The following DLG4 variants were observed in gnomAD, a reference collection of about 807,000 sequenced individuals.
DLG4 encodes the protein disks large homolog 4.
A neutral mutation model predicts 93.8 loss-of-function variants in DLG4; 7 were observed. The ratio of observed to expected loss-of-function variants is 0.07; its 90% confidence interval spans 0.04 to 0.14. The LOEUF (loss-of-function observed/expected upper bound fraction) is 0.14, where lower values mean the gene tolerates loss of function less well. Ranked by LOEUF, DLG4 falls within the 10% of genes least tolerant of loss-of-function variation. DLG4 has a pLI of 1.00. For synonymous variants in DLG4, 341 were observed against 387.6 expected (o/e 0.88, Z 1.41); for missense variants, 545 against 992.9 (o/e 0.55, Z 6.06).
chr17:7,212,136 A>G (rs2070738581), intron 1 of DLG4, among the ~76,000 whole-genome samples: 2 of 152,012 alleles, frequency 1.3e-5, no homozygotes, highest in Non-Finnish European at 1.5e-5. Flanking sequence ...CCCAGAGTCC[A>G]GGGAAACAAA....
chr17:7,199,059 A>G (rs1289693518), intron 8 of DLG4, among the ~76,000 whole-genome samples: 1 of 152,042 alleles, frequency 6.6e-6, no homozygotes, highest in Non-Finnish European at 1.5e-5. Flanking sequence ...AAACAGCCCT[A>G]TGTCAACCTG....
chr17:7,204,656 G>A (rs144870162), intron 2 of DLG4, among the ~76,000 whole-genome samples: 160 of 152,090 alleles, frequency 1.1e-3, no homozygotes, highest in African/African-American at 3.6e-3. Context: ...TGCCTTATGT[G>A]CTACACATGG....
chr17:7,198,842 C>A (rs2069956725), intron 8 of DLG4, among the ~76,000 whole-genome samples: 1 of 139,544 alleles, frequency 7.2e-6, no homozygotes. Context: ...AGTGAGACTC[C>A]ATCTCAAAAA....
upstream of DLG4, chr17:7,218,364 G>T: frequency 6.7e-7 from 1 of 1,493,764 alleles, no homozygotes; most frequent in Non-Finnish European, 9.2e-7. Context: ...CTGCTGGCTG[G>T]CTGGCAAGGG....
At position 7,202,888 on chromosome 17, in the gene DLG4, T is replaced by C. The variant is rs750562789; in HGVS notation, c.787+15A>G. ...GATGGGTCATGGGGAACTTTGGTGT[T>C]TGAAGGGCTCTCACAGGTTGTGATG... On this transcript the variant is annotated intron_variant, in intron 8 of 19. Coordinates refer to ENST00000399506, the MANE Select transcript of DLG4 (RefSeq NM_001321075.3). 3 of 1,613,824 alleles carry C rather than the reference T, an allele frequency of 1.9e-6. No homozygotes were observed.
In DLG4 at chr17:7,196,728, G is replaced by A. The variant is rs985503607; in HGVS notation, c.1083+29C>T. The A allele has an allele frequency of 1.3e-6, 2 of 1,587,712 alleles. No individual in the cohort carries two copies. Among genetic ancestry groups the A allele is most frequent in the African/African-American group, 1.3e-5 (1 of 74,328 alleles). On this transcript the variant is annotated intron_variant, in intron 9 of 19. Coordinates refer to ENST00000399506, the MANE Select transcript of DLG4 (RefSeq NM_001321075.3). This position sits in a 1 kb window ranked among gnomAD's most constrained non-coding sequence, Gnocchi z 8.3. Reference sequence around the variant, plus strand: ...GCGCTCTGCCCTGTGGGGAGGGGGTGGTGCAGGTAGGGGCAGGCCTTCCCT... The same window carrying A: ...GCGCTCTGCCCTGTGGGGAGGGGGTAGTGCAGGTAGGGGCAGGCCTTCCCT...
At chr17:7,206,400 G>A (rs1369325354) in intron 2 of DLG4, among the ~76,000 whole-genome samples, 2 of 151,954 alleles carry the variant, frequency 1.3e-5, no homozygotes, top group East Asian at 1.9e-4. Context: ...TGTTCCCCAG[G>A]TGAGGCCTTG....
chr17:7,192,293 C>T, intron 17 of DLG4: 1 of 388,672 alleles, frequency 2.6e-6, no homozygotes, highest in African/African-American at 2.1e-5. Flanking sequence ...GAGATGGTGG[C>T]AGAGCCGGGG....
At position 7,217,311 on chromosome 17, in the gene DLG4, G is replaced by A; in HGVS notation, c.-164C>T. ...AGGGGAAGGAGGGGGTTGGAGAAGG[G>A]AAGGGGAGGGGAGCGTGGGAGGGAG... On this transcript the variant is annotated 5_prime_UTR_variant, in exon 1 of 20. Coordinates refer to ENST00000399506, the MANE Select transcript of DLG4 (RefSeq NM_001321075.3). 2.1e-6 allele frequency: 1 copy of A among 474,596 alleles called. No homozygotes were observed. Among genetic ancestry groups the A allele is most frequent in the Non-Finnish European group, 2.9e-6 (1 of 346,870 alleles). 29.4% of individuals were successfully genotyped at this position (474,596 alleles called of 1,614,324 possible). A position where few individuals can be genotyped will look rare whatever the true frequency, so the allele number is the denominator to read the frequency against.
intron 1 of DLG4, chr17:7,211,732 A>C: frequency 3.2e-6 from 1 of 312,806 alleles, no homozygotes; most frequent in South Asian, 1.5e-4. Context: ...GGAAGGGGGT[A>C]GGTGGGATAT....
In DLG4 at chr17:7,217,451, C is replaced by T; in HGVS notation, c.-304G>A. 6.5e-6 allele frequency: 1 copy of T among 153,312 alleles called. No individual in the cohort carries two copies. The highest frequency in any genetic ancestry group is 1.1e-5 in the Non-Finnish European group (1 of 90,264). The allele number at this position is 153,312 out of a possible 1,614,324, so 9.5% of individuals were successfully genotyped here. ...GGCTGGCAGCCCCGGAGTTCGGGGG[C>T]TGGGGCATGAGCTGGGGTGGGGGAG... On this transcript the variant is annotated 5_prime_UTR_variant, in exon 1 of 20. Transcript: ENST00000399506.
At chr17:7,216,164 T>C (rs1274447573) in intron 1 of DLG4, among the ~76,000 whole-genome samples, 2 of 151,922 alleles carry the variant, frequency 1.3e-5, no homozygotes, top group Non-Finnish European at 2.9e-5. Context: ...TCAGGGACCC[T>C]TAAATCCAGG....
At chr17:7,215,419 G>A (rs1289445507) in intron 1 of DLG4, among the ~76,000 whole-genome samples, 2 of 152,204 alleles carry the variant, frequency 1.3e-5, no homozygotes, top group African/African-American at 2.4e-5. Flanking sequence ...GTGTGTTCAC[G>A]TGTTGGAAGC....
In DLG4 at chr17:7,193,191, A is replaced by G. The variant is rs532611920; in HGVS notation, c.1694-74T>C. 6.3e-7 allele frequency: 1 copy of G among 1,575,022 alleles called. No homozygotes were observed. The highest frequency in any genetic ancestry group is 1.2e-5 in the South Asian group (1 of 85,294). Reference sequence around the variant, plus strand: ...AGCTTAAATCCTGCCTACTTCAATCAAATCCCCATAGTGCCCAGCTGGTCC... The same window carrying G: ...AGCTTAAATCCTGCCTACTTCAATCGAATCCCCATAGTGCCCAGCTGGTCC... On this transcript the variant is annotated intron_variant, in intron 16 of 19. Coordinates refer to ENST00000399506, the MANE Select transcript of DLG4 (RefSeq NM_001321075.3). The surrounding 1 kb of genome is among the most constrained non-coding windows in gnomAD (Gnocchi z 6.7).
rs913882533 is a variant in DLG4 at position 7,190,192 on chromosome 17, C to G, written c.*516G>C. The G allele has an allele frequency of 6.6e-6, 1 of 152,572 alleles. No individual in the cohort carries two copies. Among genetic ancestry groups the G allele is most frequent in the South Asian group, 2.1e-4 (1 of 4,850 alleles). The allele number at this position is 152,572 out of a possible 1,614,324, so 9.5% of individuals were successfully genotyped here. ...CTGCGGAGTCCCCTGCTTCTCCCCC[C>G]AAAAAACCACCTTTGAGAAGAAAAA... is the stretch of plus-strand genomic sequence containing the variant. On this transcript the variant is annotated 3_prime_UTR_variant, in exon 20 of 20. Coordinates refer to ENST00000399506, the MANE Select transcript of DLG4 (RefSeq NM_001321075.3).
In DLG4 at chr17:7,188,618, A is replaced by G. The variant is rs924954947; in HGVS notation, c.*2090T>C. On this transcript the variant is annotated 3_prime_UTR_variant, in exon 20 of 20. Coordinates refer to ENST00000399506, the MANE Select transcript of DLG4 (RefSeq NM_001321075.3). ...GGCCAGGAAAATATGACTCCCTAAAAGAACTAAAATTATTTCTCCCTTATA... is the reference window on the plus strand; with the variant it reads ...GGCCAGGAAAATATGACTCCCTAAAGGAACTAAAATTATTTCTCCCTTATA... Among the ~76,000 whole-genome samples, 4 of 152,222 alleles carry G rather than the reference A, an allele frequency of 2.6e-5. No individual in the cohort carries two copies. The highest frequency in any genetic ancestry group is 5.9e-5 in the Non-Finnish European group (4 of 68,036).
chr17:7,217,172 G>C lies in DLG4; in HGVS notation c.-25C>G. The C allele has an allele frequency of 8.6e-6, 11 of 1,284,836 alleles. No homozygotes were observed. The highest frequency in any genetic ancestry group is 1.1e-5 in the Non-Finnish European group (11 of 1,011,892). 79.6% of individuals were successfully genotyped at this position (1,284,836 alleles called of 1,614,324 possible). A position where few individuals can be genotyped will look rare whatever the true frequency, so the allele number is the denominator to read the frequency against. The stretch of plus-strand genomic sequence containing the variant: ...TGTTGGGGGGCCTGGCCGCGGCGGC[G>C]GGTAAGGGGCTCTGACTTCATCGGA... On this transcript the variant is annotated 5_prime_UTR_variant, in exon 1 of 20. Coordinates refer to ENST00000399506, the MANE Select transcript of DLG4 (RefSeq NM_001321075.3).
rs2070237104 is a variant in DLG4 at position 7,203,079 on chromosome 17, G to C, written c.643-32C>G. On this transcript the variant is annotated intron_variant, in intron 7 of 19. Coordinates refer to ENST00000399506, the MANE Select transcript of DLG4 (RefSeq NM_001321075.3). The surrounding 1 kb of genome is among the most constrained non-coding windows in gnomAD (Gnocchi z 7.2). The stretch of plus-strand genomic sequence containing the variant: ...TCAAGGAAAGCAAAGCTCAGACAAA[G>C]CCACAAATGGCCCAAGACAGAAGCA... 3.1e-6 allele frequency: 5 copies of C among 1,588,248 alleles called. No individual in the cohort carries two copies. The highest frequency in any genetic ancestry group is 4.3e-6 in the Non-Finnish European group (5 of 1,160,584).
intron 8 of DLG4, among the ~76,000 whole-genome samples, chr17:7,200,534 C>T (rs146611806): frequency 1.5e-5 from 2 of 137,252 alleles, no homozygotes; most frequent in Non-Finnish European, 3.2e-5. Context: ...TTACAAATAG[C>T]CACATTCCTT....
Sources: allele counts gnomAD v4.1 joint callset (sites outside exome capture counted in the v4.1 genomes callset), GRCh38; gene constraint gnomAD v4.1.1; non-coding constraint Gnocchi (gnomAD v3.1); transcripts MANE v1.5; gene names NCBI Gene and HGNC (gene_info 2026-07-23, HGNC 2026-07-21).